Variants in MIS18A observed in about 807,000 individuals in gnomAD.
MIS18A encodes the protein protein Mis18-alpha.
A neutral mutation model predicts 25.0 loss-of-function variants in MIS18A; 14 were observed. The observed-to-expected ratio is 0.56, with a 90% CI of 0.37 to 0.88. The LOEUF (loss-of-function observed/expected upper bound fraction) is 0.88, where lower values mean the gene tolerates loss of function less well. MIS18A is among the 40% of genes least tolerant of loss of function. The probability of loss-of-function intolerance (pLI) is 0.00; values close to 1 mark genes in which losing one functional copy is unlikely to be tolerated. For missense variants in MIS18A, 292 were observed against 290.8 expected (o/e 1.00, Z -0.03); for synonymous variants, 134 against 118.6 (o/e 1.13, Z -0.84).
chr21:32,278,624 G>A, intron 1 of MIS18A, 57 bp downstream of exon 1: 1 of 1,432,754 alleles, frequency 7.0e-7, no homozygotes, highest in South Asian at 1.5e-5. Context: ...GCCCACGCGC[G>A]GCACCCCTGG....
At chr21:32,214,128 G>T in the MIS18A span, among the ~76,000 whole-genome samples, 10 of 152,162 alleles carry the variant, frequency 6.6e-5, no homozygotes, top group African/African-American at 2.4e-4. Flanking sequence ...GTTAAAGGCT[G>T]TGGTCCCTCA....
the MIS18A span, among the ~76,000 whole-genome samples, chr21:32,224,170 C>G: frequency 1.4e-4 from 21 of 151,250 alleles, no homozygotes; most frequent in African/African-American, 4.6e-4. Flanking sequence ...CAGCCAATAT[C>G]ATACTGAATG....
At chr21:32,260,949 T>G in the MIS18A span, 1 of 152,298 alleles carries the variant, frequency 6.6e-6, no homozygotes, top group East Asian at 1.9e-4. Flanking sequence ...AGGCGAAGGT[T>G]GCAGTGAGCC....
chr21:32,196,329 G>A, the MIS18A span, among the ~76,000 whole-genome samples: 1 of 152,148 alleles, frequency 6.6e-6, no homozygotes, highest in South Asian at 2.1e-4. Context: ...CTGAAACTCA[G>A]ACTGGAACTC....
the MIS18A span, among the ~76,000 whole-genome samples, chr21:32,220,235 G>A: frequency 1.3e-5 from 2 of 152,174 alleles, no homozygotes; most frequent in African/African-American, 4.8e-5. Flanking sequence ...AGCTCCAGCT[G>A]GCATCTGGAG....
the MIS18A span, among the ~76,000 whole-genome samples, chr21:32,245,387 C>A: frequency 6.6e-6 from 1 of 152,158 alleles, no homozygotes; most frequent in African/African-American, 2.4e-5. Flanking sequence ...TCCAAGATGC[C>A]GAAATAGATA....
the MIS18A span, among the ~76,000 whole-genome samples, chr21:32,185,722 C>T: frequency 2.8e-4 from 42 of 152,202 alleles, no homozygotes; most frequent in Non-Finnish European, 4.9e-4. Context: ...TCCCCTCTCG[C>T]TCTGTCTAGT....
chr21:32,187,877 C>A, the MIS18A span, among the ~76,000 whole-genome samples: 1 of 152,112 alleles, frequency 6.6e-6, no homozygotes, highest in Non-Finnish European at 1.5e-5. Context: ...TCCCAACCCC[C>A]AGTGTGATAG....
At chr21:32,206,437 AG>A in the MIS18A span, among the ~76,000 whole-genome samples, 1 of 152,220 alleles carries the variant, frequency 6.6e-6, no homozygotes, top group Admixed American at 6.5e-5. Flanking sequence ...CTCCATTGCA[AG>A]TCCTGCTTGG....
the MIS18A span, among the ~76,000 whole-genome samples, chr21:32,206,661 T>C: frequency 2.0e-5 from 3 of 152,150 alleles, no homozygotes; most frequent in South Asian, 2.1e-4. Flanking sequence ...TAACGGGAGA[T>C]GGGCAGAAGG....
At chr21:32,194,901 T>A in the MIS18A span, among the ~76,000 whole-genome samples, 2 of 145,386 alleles carry the variant, frequency 1.4e-5, no homozygotes, top group East Asian at 4.3e-4. Context: ...GGTGGGAGGG[T>A]GGGAAGGGGG....
the MIS18A span, among the ~76,000 whole-genome samples, chr21:32,197,620 A>G: frequency 1.3e-5 from 2 of 152,236 alleles, no homozygotes; most frequent in Non-Finnish European, 2.9e-5. Flanking sequence ...AACTATTTAG[A>G]TCATTTCTGT....
the MIS18A span, among the ~76,000 whole-genome samples, chr21:32,155,476 T>C: frequency 1.6e-3 from 243 of 152,350 alleles, 1 homozygote; most frequent in Middle Eastern, 6.8e-3. Context: ...AATACCATGA[T>C]TTTGGTTTGC....
At chr21:32,208,916 C>T in the MIS18A span, among the ~76,000 whole-genome samples, 318 of 152,328 alleles carry the variant, frequency 2.1e-3, 1 homozygote, top group Middle Eastern at 0.014. Flanking sequence ...GAAGACTGCA[C>T]CAAACAGTGG....
chr21:32,267,994 A>C (rs981895183), downstream of MIS18A, among the ~76,000 whole-genome samples: 9 of 152,236 alleles, frequency 5.9e-5, no homozygotes, highest in African/African-American at 2.2e-4. Flanking sequence ...TAGTATTCTC[A>C]CAAGTAATCA....
chr21:32,194,763 C>T, the MIS18A span, among the ~76,000 whole-genome samples: 12 of 152,118 alleles, frequency 7.9e-5, no homozygotes, highest in Non-Finnish European at 1.6e-4. Context: ...AACAGGAGGC[C>T]GTTATTCCTA....
the MIS18A span, among the ~76,000 whole-genome samples, chr21:32,183,348 A>G: frequency 6.6e-6 from 1 of 152,252 alleles, no homozygotes; most frequent in Admixed American, 6.5e-5. Flanking sequence ...GTAATATGTC[A>G]TCAAGCAAAT....
At chr21:32,256,952 T>C in the MIS18A span, among the ~76,000 whole-genome samples, 130 of 152,258 alleles carry the variant, frequency 8.5e-4, 3 homozygotes, top group Admixed American at 8.4e-3. Flanking sequence ...CATTCACAGA[T>C]TGTTTTCCCC....
the MIS18A span, among the ~76,000 whole-genome samples, chr21:32,246,499 G>C: frequency 6.6e-6 from 1 of 152,076 alleles, no homozygotes; most frequent in Non-Finnish European, 1.5e-5. Flanking sequence ...ATGATTTATG[G>C]AGCCCCTCAA....
Sources: allele counts gnomAD v4.1 joint callset (sites outside exome capture counted in the v4.1 genomes callset), GRCh38; gene constraint gnomAD v4.1.1; transcripts MANE v1.5; gene names NCBI Gene and HGNC (gene_info 2026-07-23, HGNC 2026-07-21).